The following SND1 variants were observed in gnomAD, a reference collection of about 807,000 sequenced individuals.
SND1 encodes the protein staphylococcal nuclease and tudor domain containing 1, also known as staphylococcal nuclease domain-containing protein 1.
SND1 carries 38 observed loss-of-function variants against 121.7 expected under a neutral mutation model. The observed-to-expected ratio is 0.31, with a 90% CI of 0.24 to 0.41. SND1 has a LOEUF of 0.41. Ranked by LOEUF, SND1 falls within the 10% of genes least tolerant of loss-of-function variation. The probability of loss-of-function intolerance (pLI) is 1.00; values close to 1 mark genes in which losing one functional copy is unlikely to be tolerated. For synonymous variants in SND1, 401 were observed against 447.4 expected (o/e 0.90, Z 1.31); for missense variants, 868 against 1,184.6 (o/e 0.73, Z 3.92).
At chr7:127,980,109 C>CTTT (rs1049614462) in intron 15 of SND1, among the ~76,000 whole-genome samples, 10 of 58,648 alleles carry the variant, frequency 1.7e-4, no homozygotes, top group South Asian at 4.4e-4. Context: ...TATTCTTTTT[C>CTTT]TTTTTTTTTT....
intron 10 of SND1, among the ~76,000 whole-genome samples, chr7:127,724,124 G>A (rs1447410826): frequency 6.6e-6 from 1 of 152,156 alleles, no homozygotes; most frequent in Non-Finnish European, 1.5e-5. Flanking sequence ...TACTGTGTTG[G>A]GGGTGCAGCA....
intron 10 of SND1, among the ~76,000 whole-genome samples, chr7:127,724,111 A>G (rs945568997): frequency 3.3e-5 from 5 of 152,342 alleles, no homozygotes; most frequent in African/African-American, 1.2e-4. Context: ...ATTTTGTGCC[A>G]GATACTGTGT....
intron 16 of SND1, among the ~76,000 whole-genome samples, chr7:128,042,836 CT>C (rs1792879279): frequency 6.6e-6 from 1 of 152,248 alleles, no homozygotes; most frequent in Non-Finnish European, 1.5e-5. Context: ...TTTAATGCCA[CT>C]GGAGGAGTTG....
intron 16 of SND1, chr7:128,028,321 C>T (rs1468046535): frequency 5.3e-6 from 1 of 189,586 alleles, no homozygotes; most frequent in African/African-American, 2.4e-5. Context: ...CCTCTTGCCC[C>T]CTCAGCAGCC....
intron 15 of SND1, among the ~76,000 whole-genome samples, chr7:127,955,886 A>C (rs1051663464): frequency 6.6e-6 from 1 of 152,008 alleles, no homozygotes; most frequent in Non-Finnish European, 1.5e-5. Context: ...TTCATGATCT[A>C]TACCCTGTTC....
chr7:127,812,303 A>G (rs1466581159), intron 11 of SND1, among the ~76,000 whole-genome samples: 2 of 152,208 alleles, frequency 1.3e-5, no homozygotes, highest in Non-Finnish European at 2.9e-5. Context: ...GGAGGTGGTA[A>G]TAGCACTGTA....
intron 10 of SND1, among the ~76,000 whole-genome samples, chr7:127,772,535 T>C (rs1326923122): frequency 1.3e-5 from 2 of 148,398 alleles, no homozygotes; most frequent in East Asian, 2.0e-4. Flanking sequence ...AGAGCTCTAC[T>C]CCTAAAACAT....
chr7:127,678,140 C>T (rs992919593), intron 1 of SND1, among the ~76,000 whole-genome samples: 1 of 152,164 alleles, frequency 6.6e-6, no homozygotes, highest in African/African-American at 2.4e-5. Flanking sequence ...CAGAAATCAG[C>T]TCCCAAATGC....
intron 14 of SND1, among the ~76,000 whole-genome samples, chr7:127,907,830 C>G (rs1218713633): frequency 6.6e-6 from 1 of 152,160 alleles, no homozygotes; most frequent in Non-Finnish European, 1.5e-5. Flanking sequence ...GATCTCTTCT[C>G]TTGCTGTTTA....
rs552945204 is a variant in SND1, at chr7:127,847,601, T to C, written c.1343+3177T>C. On this transcript the variant is annotated intron_variant, in intron 12 of 23. Transcript: ENST00000354725. ...GAAATGAGGACTTGAAAAACACTAATTATAGAACCTTATATTTTTGTGATT... is the reference window on the plus strand; with the variant it reads ...GAAATGAGGACTTGAAAAACACTAACTATAGAACCTTATATTTTTGTGATT... Among the ~76,000 whole-genome samples, 14 of 152,344 alleles carry C rather than the reference T, an allele frequency of 9.2e-5. No individual in the cohort carries two copies. In the South Asian group the frequency reaches 2.9e-3, roughly 32 times the overall value.
At chr7:128,036,553 G>A (rs892532756) in intron 16 of SND1, among the ~76,000 whole-genome samples, 1 of 152,186 alleles carries the variant, frequency 6.6e-6, no homozygotes, top group Non-Finnish European at 1.5e-5. Flanking sequence ...CTCCCTCCAG[G>A]TCCCATCAAG....
At chr7:128,073,653 C>G (rs1793453194) in intron 16 of SND1, among the ~76,000 whole-genome samples, 1 of 152,192 alleles carries the variant, frequency 6.6e-6, no homozygotes, top group African/African-American at 2.4e-5. Flanking sequence ...CATTTGGCAG[C>G]AAAGACATTT....
chr7:127,721,646 G>A (rs1418180809), intron 10 of SND1, among the ~76,000 whole-genome samples: 1 of 152,124 alleles, frequency 6.6e-6, no homozygotes, highest in Non-Finnish European at 1.5e-5. Flanking sequence ...TTCTCCCCAG[G>A]GGGCTTGAGT....
intron 16 of SND1, chr7:128,031,962 C>T (rs1792628057): frequency 6.6e-6 from 1 of 150,630 alleles, no homozygotes; most frequent in South Asian, 2.1e-4. Flanking sequence ...ACATAGTCCC[C>T]GCTGGCTAGC....
intron 16 of SND1, among the ~76,000 whole-genome samples, chr7:128,073,324 C>G (rs1325141670): frequency 6.6e-6 from 1 of 152,204 alleles, no homozygotes; most frequent in East Asian, 1.9e-4. Flanking sequence ...ATACCACACT[C>G]CAACTTCAGT....
intron 1 of SND1, among the ~76,000 whole-genome samples, chr7:127,682,270 G>C (rs1035751542): frequency 6.6e-6 from 1 of 152,132 alleles, no homozygotes; most frequent in South Asian, 2.1e-4. Flanking sequence ...AAGTGGGTTT[G>C]AACAATTTGA....
intron 16 of SND1, among the ~76,000 whole-genome samples, chr7:128,033,773 TCA>T (rs1218946470): frequency 1.3e-5 from 2 of 152,148 alleles, no homozygotes; most frequent in Non-Finnish European, 2.9e-5. Context: ...TTGCCTAGGG[TCA>T]CTAGTAAGTG....
At chr7:127,881,144 C>T (rs1799781360) in intron 12 of SND1, among the ~76,000 whole-genome samples, 1 of 152,084 alleles carries the variant, frequency 6.6e-6, no homozygotes, top group Non-Finnish European at 1.5e-5. Flanking sequence ...TCTCACCTTC[C>T]AGTAATGTCT....
chr7:127,951,909 G>A (rs1484532759), intron 15 of SND1, among the ~76,000 whole-genome samples: 1 of 152,170 alleles, frequency 6.6e-6, no homozygotes, highest in Non-Finnish European at 1.5e-5. Context: ...GGACCTGCAT[G>A]TTGCAAAATC....
Sources: gnomAD v4.1 joint callset for allele counts (sites outside exome capture counted in the v4.1 genomes callset) on GRCh38, gnomAD v4.1.1 for gene constraint, MANE v1.5 for transcripts, NCBI Gene and HGNC (gene_info 2026-07-23, HGNC 2026-07-21) for gene names.